The following GLRA2 variants were observed in gnomAD, a reference collection of about 807,000 sequenced individuals.
The protein encoded by GLRA2 is glycine receptor subunit alpha-2.
In GLRA2, 11 loss-of-function variants were observed where a neutral mutation model predicts 31.6. The observed-to-expected ratio is 0.35, with a 90% CI of 0.22 to 0.58. The LOEUF (loss-of-function observed/expected upper bound fraction) is 0.58, where lower values mean the gene tolerates loss of function less well. Among genes scored for constraint, GLRA2 ranks in the 20% least tolerant of loss-of-function variants. GLRA2 has a pLI of 0.84. For missense variants in GLRA2, 212 were observed against 351.8 expected (o/e 0.60, Z 3.18); for synonymous variants, 132 against 134.0 (o/e 0.99, Z 0.10).
intron 8 of GLRA2, among the ~76,000 whole-genome samples, chrX:14,705,730 T>TACATCATATAGCAA: frequency 8.9e-6 from 1 of 112,462 alleles, no homozygotes; most frequent in East Asian, 2.8e-4. Flanking sequence ...TCTTTTTATT[T>TACATCATATAGCAA]ACATCATATA....
At chrX:14,582,525 T>A (rs2090033270) in intron 4 of GLRA2, among the ~76,000 whole-genome samples, 3 of 110,964 alleles carry the variant, frequency 2.7e-5, no homozygotes, top group Admixed American at 9.7e-5. Context: ...TATCTGTGAC[T>A]CTGTAAGGCT....
chrX:14,473,926 T>C, the GLRA2 span, among the ~76,000 whole-genome samples: 3 of 112,073 alleles, frequency 2.7e-5, no homozygotes. Context: ...CGTGAACTTA[T>C]CTGGTTGTTT....
chrX:14,661,831 C>T (rs1465237882), intron 7 of GLRA2, among the ~76,000 whole-genome samples: 1 of 102,842 alleles, frequency 9.7e-6, no homozygotes, highest in Non-Finnish European at 2.0e-5. Flanking sequence ...CAAGATTGTG[C>T]CACTATACTC....
chrX:14,723,622 T>C (rs2091892328), intron 8 of GLRA2, among the ~76,000 whole-genome samples: 1 of 111,805 alleles, frequency 8.9e-6, no homozygotes. Context: ...AGCCCCTGGT[T>C]CATTTCTGAA....
In GLRA2 at chrX:14,607,544, G is replaced by A. The variant is rs769771659; in HGVS notation, c.715+276G>A. 1.4e-4 allele frequency among the ~76,000 whole-genome samples: 16 copies of A among 111,190 alleles called. No homozygotes were observed. In the South Asian group the frequency reaches 2.3e-3, roughly 16 times the overall value. On this transcript the variant is annotated intron_variant, in intron 6 of 8. Coordinates refer to ENST00000218075, the MANE Select transcript of GLRA2 (RefSeq NM_002063.4). ...TGTTCCTAGCTGACCATCTGTTGTC[G>A]AATGAGTCTGAGGAAAGATGTAGAA...
At chrX:14,674,537 A>T (rs1330073319) in intron 7 of GLRA2, among the ~76,000 whole-genome samples, 1 of 111,407 alleles carries the variant, frequency 9.0e-6, no homozygotes, top group Non-Finnish European at 1.9e-5. Context: ...ATCTTATTCA[A>T]TCCTTCAATG....
chrX:14,495,878 A>T, the GLRA2 span, among the ~76,000 whole-genome samples: 1 of 110,416 alleles, frequency 9.1e-6, no homozygotes, highest in Non-Finnish European at 1.9e-5. Flanking sequence ...CTTTATGACC[A>T]CTCTGGGCCT....
intron 4 of GLRA2, among the ~76,000 whole-genome samples, chrX:14,588,336 C>A (rs1273964994): frequency 8.9e-6 from 1 of 111,736 alleles, no homozygotes; most frequent in Non-Finnish European, 1.9e-5. Context: ...ATTCCAGCAC[C>A]ATTTTTTGGG....
At chrX:14,481,665 T>A in the GLRA2 span, among the ~76,000 whole-genome samples, 3 of 111,902 alleles carry the variant, frequency 2.7e-5, no homozygotes, top group Non-Finnish European at 3.8e-5. Flanking sequence ...ATAAGCCAAT[T>A]ATATGTTTAT....
chrX:14,699,099 T>C (rs1045897289), intron 8 of GLRA2, among the ~76,000 whole-genome samples: 1 of 112,263 alleles, frequency 8.9e-6, no homozygotes, highest in Admixed American at 9.4e-5. Context: ...CTGACAGAAC[T>C]GGCCAACCCC....
chrX:14,656,612 A>C (rs2090943748), intron 7 of GLRA2, among the ~76,000 whole-genome samples: 1 of 112,220 alleles, frequency 8.9e-6, no homozygotes, highest in African/African-American at 3.2e-5. Flanking sequence ...TTGTTCAGTC[A>C]AATGTGAATG....
the GLRA2 span, among the ~76,000 whole-genome samples, chrX:14,489,505 C>T: frequency 8.9e-6 from 1 of 112,088 alleles, no homozygotes; most frequent in African/African-American, 3.2e-5. Flanking sequence ...AGACTCTTAG[C>T]GAGGTAAGAG....
intron 2 of GLRA2, among the ~76,000 whole-genome samples, chrX:14,569,746 A>G (rs1268407977): frequency 8.9e-6 from 1 of 112,635 alleles, no homozygotes; most frequent in Non-Finnish European, 1.9e-5. Context: ...CAGCAATTCC[A>G]CTTCTTAGTA....
chrX:14,670,694 C>T (rs898431556), intron 7 of GLRA2, among the ~76,000 whole-genome samples: 1 of 111,423 alleles, frequency 9.0e-6, no homozygotes, highest in African/African-American at 3.3e-5. Context: ...TTACCTCCCA[C>T]CAGGTCCCTC....
At chrX:14,506,437 G>A in the GLRA2 span, among the ~76,000 whole-genome samples, 278 of 110,976 alleles carry the variant, frequency 2.5e-3, no homozygotes, top group African/African-American at 8.3e-3. Flanking sequence ...GACTCCCTTT[G>A]CCATGTTGGC....
chrX:14,550,314 A>G (rs765548409), intron 2 of GLRA2, among the ~76,000 whole-genome samples: 2 of 109,173 alleles, frequency 1.8e-5, no homozygotes, highest in South Asian at 8.2e-4. Context: ...AATAAAGGAA[A>G]GGGAGACTGA....
upstream of GLRA2, among the ~76,000 whole-genome samples, chrX:14,527,540 G>A (rs746780551): frequency 9.1e-5 from 10 of 109,337 alleles, no homozygotes; most frequent in African/African-American, 3.0e-4. Context: ...GCTTGAACCC[G>A]GGAGGTGGAG....
At chrX:14,471,541 T>C in the GLRA2 span, among the ~76,000 whole-genome samples, 3 of 112,248 alleles carry the variant, frequency 2.7e-5, no homozygotes, top group Admixed American at 1.9e-4. Flanking sequence ...TAGCCAGTAC[T>C]TATTGAGCAG....
At chrX:14,489,205 C>A in the GLRA2 span, among the ~76,000 whole-genome samples, 1 of 111,258 alleles carries the variant, frequency 9.0e-6, no homozygotes, top group Non-Finnish European at 1.9e-5. Context: ...ATTTTTTGTC[C>A]TAGTACAAAT....
Sources: gnomAD v4.1 joint callset for allele counts (sites outside exome capture counted in the v4.1 genomes callset) on GRCh38, gnomAD v4.1.1 for gene constraint, MANE v1.5 for transcripts, NCBI Gene and HGNC (gene_info 2026-07-23, HGNC 2026-07-21) for gene names.